The following LRMDA variants were observed in gnomAD, a reference collection of about 807,000 sequenced individuals.
The protein encoded by LRMDA is leucine-rich melanocyte differentiation-associated protein.
A neutral mutation model predicts 29.8 loss-of-function variants in LRMDA; 18 were observed. That is an observed-to-expected ratio of 0.60 (90% confidence interval 0.42 to 0.90). LRMDA has a LOEUF of 0.90. Ranked by LOEUF, LRMDA falls within the 40% of genes least tolerant of loss-of-function variation. The pLI is 0.00. For missense variants in LRMDA, 273 were observed against 273.9 expected (o/e 1.00, Z 0.02); for synonymous variants, 125 against 109.4 (o/e 1.14, Z -0.89).
intron 5 of LRMDA, among the ~76,000 whole-genome samples, chr10:76,321,044 AT>A (rs200385706): frequency 0.013 from 2,025 of 152,312 alleles, 52 homozygotes; most frequent in African/African-American, 0.046. Context: ...ACTAAATATT[AT>A]TCTGTCTTAC....
intron 6 of LRMDA, among the ~76,000 whole-genome samples, chr10:76,360,753 T>G (rs906003792): frequency 6.6e-6 from 1 of 152,196 alleles, no homozygotes; most frequent in African/African-American, 2.4e-5. Context: ...GCTACTCTCC[T>G]GAAACTCCAA....
chr10:76,553,600 T>G (rs902838714), intron 6 of LRMDA, among the ~76,000 whole-genome samples: 3 of 152,230 alleles, frequency 2.0e-5, no homozygotes, highest in South Asian at 4.1e-4. Flanking sequence ...ATAACCTTCA[T>G]GATAAATAAA....
chr10:75,938,131 G>C (rs1831937523), intron 2 of LRMDA, among the ~76,000 whole-genome samples: 2 of 152,146 alleles, frequency 1.3e-5, no homozygotes, highest in Non-Finnish European at 2.9e-5. Context: ...CCTTTCCCAG[G>C]CTCTCTTGTT....
At chr10:75,550,262 C>G (rs953234573) in intron 2 of LRMDA, among the ~76,000 whole-genome samples, 1 of 152,074 alleles carries the variant, frequency 6.6e-6, no homozygotes, top group African/African-American at 2.4e-5. Flanking sequence ...TTTTGATCTA[C>G]TTTTTATATA....
At chr10:75,800,480 C>T (rs886396760) in intron 2 of LRMDA, among the ~76,000 whole-genome samples, 1 of 151,748 alleles carries the variant, frequency 6.6e-6, no homozygotes, top group African/African-American at 2.4e-5. Context: ...CTCTGTCACC[C>T]AGGCTGGAGT....
intron 5 of LRMDA, among the ~76,000 whole-genome samples, chr10:76,225,752 G>A (rs1362777402): frequency 7.0e-6 from 1 of 143,806 alleles, no homozygotes; most frequent in Non-Finnish European, 1.5e-5. Flanking sequence ...TATATTTTAA[G>A]TTCTAGCATA....
chr10:76,545,655 T>TATG (rs965246236), intron 6 of LRMDA, among the ~76,000 whole-genome samples: 1 of 147,858 alleles, frequency 6.8e-6, no homozygotes, highest in Non-Finnish European at 1.5e-5. Flanking sequence ...TTATTATTAT[T>TATG]ATTATTATTA....
At chr10:76,505,099 C>CTT (rs75101757) in intron 6 of LRMDA, among the ~76,000 whole-genome samples, 10 of 140,528 alleles carry the variant, frequency 7.1e-5, no homozygotes, top group African/African-American at 1.6e-4. Flanking sequence ...TATGAAATTT[C>CTT]TTTTTTTTTT....
At chr10:75,623,285 C>G (rs1187641855) in intron 2 of LRMDA, among the ~76,000 whole-genome samples, 1 of 152,130 alleles carries the variant, frequency 6.6e-6, no homozygotes, top group African/African-American at 2.4e-5. Context: ...TTCGTGGGCC[C>G]CTTGAAAGTG....
At chr10:75,487,291 C>T (rs1420132330) in intron 2 of LRMDA, among the ~76,000 whole-genome samples, 1 of 152,104 alleles carries the variant, frequency 6.6e-6, no homozygotes, top group Non-Finnish European at 1.5e-5. Context: ...GCTTTGTCAG[C>T]AAAAACTGTA....
intron 5 of LRMDA, among the ~76,000 whole-genome samples, chr10:76,177,165 C>A (rs185002854): frequency 6.6e-6 from 1 of 152,208 alleles, no homozygotes; most frequent in Non-Finnish European, 1.5e-5. Context: ...CCCAGCAGCA[C>A]GCTTTTTAAT....
chr10:75,613,347 G>C (rs766997427), intron 2 of LRMDA, among the ~76,000 whole-genome samples: 10 of 152,216 alleles, frequency 6.6e-5, no homozygotes, highest in Non-Finnish European at 1.2e-4. Context: ...TTTAGGGGCA[G>C]TGAGGGATAG....
intron 2 of LRMDA, among the ~76,000 whole-genome samples, chr10:75,966,149 A>G (rs904585427): frequency 2.9e-4 from 44 of 152,274 alleles, no homozygotes; most frequent in Non-Finnish European, 6.0e-4. Context: ...GAAAATTTAA[A>G]TGTTTATCTG....
chr10:75,692,564 CGTGTGTGTGT>C (rs10553888), intron 2 of LRMDA, among the ~76,000 whole-genome samples: 15,338 of 140,174 alleles, frequency 0.11, 1,906 homozygotes, highest in African/African-American at 0.3. Flanking sequence ...CATATGTATA[CGTGTGTGTGT>C]GTGTGTGTGT....
At chr10:75,850,770 G>A (rs1844718728) in intron 2 of LRMDA, among the ~76,000 whole-genome samples, 1 of 152,116 alleles carries the variant, frequency 6.6e-6, no homozygotes, top group African/African-American at 2.4e-5. Flanking sequence ...AAGTTTCGGG[G>A]CCTTGGGAGC....
chr10:76,003,320 C>T (rs751932038), intron 2 of LRMDA, among the ~76,000 whole-genome samples: 7 of 152,210 alleles, frequency 4.6e-5, no homozygotes, highest in South Asian at 2.1e-4. Flanking sequence ...CCTTCCTGAC[C>T]GACTCAAGGC....
At chr10:75,795,384 C>T (rs1446610517) in intron 2 of LRMDA, among the ~76,000 whole-genome samples, 1 of 151,178 alleles carries the variant, frequency 6.6e-6, no homozygotes, top group African/African-American at 2.4e-5. Context: ...CAGAGCAAGA[C>T]TCTGTCTCAA....
At chr10:75,904,923 C>T (rs377721984) in intron 2 of LRMDA, among the ~76,000 whole-genome samples, 31 of 152,124 alleles carry the variant, frequency 2.0e-4, no homozygotes, top group African/African-American at 6.8e-4. Context: ...CTTATCTCTC[C>T]AGAGAGTGTT....
intron 6 of LRMDA, among the ~76,000 whole-genome samples, chr10:76,474,184 C>T (rs576512518): frequency 6.5e-4 from 99 of 151,680 alleles, no homozygotes; most frequent in African/African-American, 2.3e-3. Flanking sequence ...TTAGGAACCT[C>T]GTGCCATATA....
Sources: gnomAD v4.1 joint callset for allele counts (sites outside exome capture counted in the v4.1 genomes callset) on GRCh38, gnomAD v4.1.1 for gene constraint, MANE v1.5 for transcripts, NCBI Gene and HGNC (gene_info 2026-07-23, HGNC 2026-07-21) for gene names.